The following MTMR7 variants were observed in gnomAD, a reference collection of about 807,000 sequenced individuals.
MTMR7 encodes the protein myotubularin related protein 7.
MTMR7 carries 76 observed loss-of-function variants against 81.2 expected under a neutral mutation model. The observed-to-expected ratio is 0.94, with a 90% CI of 0.78 to 1.13. The LOEUF is 1.13. Among genes scored for constraint, MTMR7 ranks in the 50% most tolerant of loss-of-function variants. The pLI, the probability that MTMR7 is intolerant of heterozygous loss-of-function variation, is 0.00. For missense variants in MTMR7, 1,044 were observed against 820.0 expected (o/e 1.27, Z -3.34); for synonymous variants, 372 against 289.8 (o/e 1.28, Z -2.88).
chr8:17,303,825 G>C (rs940957414), intron 12 of MTMR7, among the ~76,000 whole-genome samples: 1 of 152,102 alleles, frequency 6.6e-6, no homozygotes, highest in Non-Finnish European at 1.5e-5. Flanking sequence ...GGCCAGGCTT[G>C]TCTTGAACTC....
At chr8:17,382,804 T>C (rs1820800316) in intron 1 of MTMR7, among the ~76,000 whole-genome samples, 1 of 152,182 alleles carries the variant, frequency 6.6e-6, no homozygotes, top group African/African-American at 2.4e-5. Context: ...AGAAATGTTA[T>C]ATGAGCCACA....
chr8:17,317,340 C>T (rs571871768), intron 7 of MTMR7, among the ~76,000 whole-genome samples: 5 of 152,266 alleles, frequency 3.3e-5, no homozygotes, highest in South Asian at 2.1e-4. Context: ...CCTTTGTCTT[C>T]GATGTTTGTA....
At chr8:17,389,491 AC>A (rs1331372009) in intron 1 of MTMR7, among the ~76,000 whole-genome samples, 2 of 152,080 alleles carry the variant, frequency 1.3e-5, no homozygotes, top group Non-Finnish European at 2.9e-5. Flanking sequence ...CATCACAGCA[AC>A]CCTCGGTGGC....
intron 1 of MTMR7, 88 bp from the exon 2 acceptor site, chr8:17,373,328 C>G: frequency 1.4e-6 from 2 of 1,429,472 alleles, no homozygotes; most frequent in Non-Finnish European, 1.9e-6. Context: ...CTCACACTTA[C>G]TCCAAAATAC....
intron 3 of MTMR7, among the ~76,000 whole-genome samples, chr8:17,362,801 CT>C (rs553781970): frequency 3.0e-4 from 45 of 152,272 alleles, no homozygotes; most frequent in Admixed American, 5.9e-4. Flanking sequence ...ATGTGTAGCC[CT>C]TTATAGAATC....
chr8:17,408,493 G>T (rs1821657317), intron 1 of MTMR7, among the ~76,000 whole-genome samples: 1 of 151,776 alleles, frequency 6.6e-6, no homozygotes, highest in South Asian at 2.1e-4. Flanking sequence ...GCGACGTGAT[G>T]AAGGACAAAC....
chr8:17,311,902 T>A (rs1817802017), intron 8 of MTMR7: 1 of 410,794 alleles, frequency 2.4e-6, no homozygotes. Flanking sequence ...AACATAAGCA[T>A]TCGTCCTATG....
At chr8:17,379,498 T>G (rs17124463) in intron 1 of MTMR7, among the ~76,000 whole-genome samples, 12,215 of 152,166 alleles carry the variant, frequency 0.08, 1,282 homozygotes, top group African/African-American at 0.25. Context: ...TAGGCCGGAT[T>G]GAGAAATACA....
At chr8:17,406,224 G>A (rs79701657) in intron 1 of MTMR7, among the ~76,000 whole-genome samples, 216 of 152,156 alleles carry the variant, frequency 1.4e-3, no homozygotes, top group Non-Finnish European at 2.5e-3. Flanking sequence ...CCTACAGAAC[G>A]GGAGGAAACA....
At chr8:17,381,962 T>G (rs1486745417) in intron 1 of MTMR7, among the ~76,000 whole-genome samples, 2 of 152,202 alleles carry the variant, frequency 1.3e-5, no homozygotes, top group Non-Finnish European at 2.9e-5. Context: ...CTATAAGGGA[T>G]CTAAAGGGTC....
At chr8:17,343,225 G>A (rs1024717302) in intron 5 of MTMR7, among the ~76,000 whole-genome samples, 2 of 152,162 alleles carry the variant, frequency 1.3e-5, no homozygotes, top group Non-Finnish European at 2.9e-5. Flanking sequence ...TCAGGAGTTC[G>A]AGACCAGCCT....
chr8:17,379,552 T>G (rs984223462), intron 1 of MTMR7, among the ~76,000 whole-genome samples: 1 of 152,196 alleles, frequency 6.6e-6, no homozygotes, highest in African/African-American at 2.4e-5. Flanking sequence ...AGCAAAGATT[T>G]GTTTATCCTG....
At chr8:17,329,133 C>T (rs550575404) in intron 7 of MTMR7, among the ~76,000 whole-genome samples, 105 of 152,234 alleles carry the variant, frequency 6.9e-4, no homozygotes, top group African/African-American at 1.9e-3. Context: ...ATGAATGAAA[C>T]GCATCATTCA....
In MTMR7 at chr8:17,311,536, T is replaced by C; in HGVS notation, c.1076A>G (p.His359Arg). 5 of 1,613,912 alleles carry C rather than the reference T, an allele frequency of 3.1e-6. No homozygotes were observed. Among genetic ancestry groups the C allele is most frequent in the Non-Finnish European group, 4.2e-6 (5 of 1,179,960 alleles). ...CSVASLLLDP[H>R]YRTLKGFMVL... The stretch of plus-strand genomic sequence containing the variant: ...CATGAAGCCCTTCAGAGTCCGGTAG[T>C]GAGGGTCCAGCAGCAGGCTTGCCAC... The change falls in exon 9 of 14, where the codon CAC (histidine) becomes CGC (arginine). Residue 359 changes from histidine (H) to arginine (R), a missense_variant. His to Arg is a conservative substitution (Grantham distance 29). Transcript: ENST00000180173.
At chr8:17,329,439 T>G (rs1219260796) in intron 7 of MTMR7, among the ~76,000 whole-genome samples, 1 of 152,180 alleles carries the variant, frequency 6.6e-6, no homozygotes, top group Non-Finnish European at 1.5e-5. Context: ...CTCCAGAACT[T>G]GGTCAGTTTG....
At chr8:17,314,712 A>G (rs894026907) in intron 7 of MTMR7, among the ~76,000 whole-genome samples, 1 of 152,214 alleles carries the variant, frequency 6.6e-6, no homozygotes, top group South Asian at 2.1e-4. Context: ...CCAACCTAAG[A>G]AAAACATATT....
At chr8:17,337,876 T>A (rs898723537) in intron 6 of MTMR7, among the ~76,000 whole-genome samples, 3 of 152,172 alleles carry the variant, frequency 2.0e-5, no homozygotes, top group Non-Finnish European at 4.4e-5. Flanking sequence ...GAGGCTTTCA[T>A]CTGAACAGGC....
intron 4 of MTMR7, among the ~76,000 whole-genome samples, chr8:17,354,884 G>A (rs1264414097): frequency 6.6e-6 from 1 of 152,032 alleles, no homozygotes; most frequent in Admixed American, 6.6e-5. Context: ...CTCCCATTTC[G>A]GTGATATTTG....
At chr8:17,404,512 C>T (rs933490062) in intron 1 of MTMR7, among the ~76,000 whole-genome samples, 25 of 151,872 alleles carry the variant, frequency 1.6e-4, no homozygotes, top group Admixed American at 1.6e-3. Context: ...TATTGTATTG[C>T]TCTTGTTACA....
Sources: gnomAD v4.1 joint callset for allele counts (sites outside exome capture counted in the v4.1 genomes callset) on GRCh38, gnomAD v4.1.1 for gene constraint, MANE v1.5 for transcripts, NCBI Gene and HGNC (gene_info 2026-07-23, HGNC 2026-07-21) for gene names.